The following AGBL1 variants were observed in gnomAD, a reference collection of about 807,000 sequenced individuals.
AGBL1 encodes the protein cytosolic carboxypeptidase 4.
Under a neutral mutation model 118.9 loss-of-function variants are expected in AGBL1, and 130 were observed. The ratio of observed to expected loss-of-function variants is 1.09; its 90% CI spans 0.95 to 1.26. The LOEUF is 1.26. Among genes scored for constraint, AGBL1 ranks in the 50% most tolerant of loss-of-function variants. AGBL1 has a pLI of 0.00. For synonymous variants in AGBL1, 555 were observed against 478.9 expected, an observed-to-expected ratio of 1.16 and a Z score of -2.08; for missense variants, 1,584 against 1,298.1, an observed-to-expected ratio of 1.22 and a Z score of -3.38.
At chr15:86,638,418 A>C (rs914015700) in intron 21 of AGBL1, among the ~76,000 whole-genome samples, 2 of 152,172 alleles carry the variant, frequency 1.3e-5, no homozygotes, top group Non-Finnish European at 2.9e-5. Flanking sequence ...CCATTTCAAG[A>C]CCATGGGTGC....
chr15:86,983,751 T>G (rs2081253899), intron 23 of AGBL1, among the ~76,000 whole-genome samples: 1 of 152,204 alleles, frequency 6.6e-6, no homozygotes, highest in Non-Finnish European at 1.5e-5. Context: ...TATAGGTTAG[T>G]CTTCAGTGTT....
At chr15:86,806,065 T>G (rs117682053) in intron 22 of AGBL1, among the ~76,000 whole-genome samples, 63 of 152,274 alleles carry the variant, frequency 4.1e-4, no homozygotes, top group Non-Finnish European at 7.6e-4. Flanking sequence ...CCTCACTGTT[T>G]GGAGGCTTGC....
At chr15:86,769,859 A>G (rs1319608419) in intron 22 of AGBL1, among the ~76,000 whole-genome samples, 1 of 151,932 alleles carries the variant, frequency 6.6e-6, no homozygotes, top group Non-Finnish European at 1.5e-5. Flanking sequence ...ACAAATGCAA[A>G]TCTGGGGAGA....
At chr15:86,266,524 C>A in intron 12 of AGBL1, 67 bp downstream of exon 12, 2 of 1,140,390 alleles carry the variant, frequency 1.8e-6, no homozygotes, top group Non-Finnish European at 2.5e-6. Flanking sequence ...TGAGAATAGA[C>A]ATGTTTCCTG....
At chr15:86,427,862 G>A (rs886568992) in intron 18 of AGBL1, among the ~76,000 whole-genome samples, 6 of 152,026 alleles carry the variant, frequency 3.9e-5, no homozygotes, top group African/African-American at 1.5e-4. Flanking sequence ...TCTTTCCTTG[G>A]GATCCAAACA....
At chr15:86,361,359 C>G (rs1001892042) in intron 17 of AGBL1, among the ~76,000 whole-genome samples, 2 of 151,914 alleles carry the variant, frequency 1.3e-5, no homozygotes, top group African/African-American at 4.8e-5. Context: ...TGTTTAGTGA[C>G]TTAACTTGTG....
intron 16 of AGBL1, among the ~76,000 whole-genome samples, chr15:86,285,729 T>C (rs2079433159): frequency 6.6e-6 from 1 of 152,224 alleles, no homozygotes; most frequent in Non-Finnish European, 1.5e-5. Flanking sequence ...TGTTGATTTG[T>C]AATATTATTG....
At chr15:86,084,864 T>A (rs1361452685) in intron 1 of AGBL1, among the ~76,000 whole-genome samples, 1 of 149,846 alleles carries the variant, frequency 6.7e-6, no homozygotes, top group Non-Finnish European at 1.5e-5. Context: ...CATTTACCTG[T>A]TCATCCACCC....
At chr15:86,997,307 G>T (rs1369417340) in intron 24 of AGBL1, among the ~76,000 whole-genome samples, 3 of 152,160 alleles carry the variant, frequency 2.0e-5, no homozygotes, top group Non-Finnish European at 4.4e-5. Context: ...GGTCCTGGCG[G>T]CCTCCTGCAG....
At chr15:86,202,265 C>A (rs1261619206) in intron 5 of AGBL1, among the ~76,000 whole-genome samples, 1 of 152,156 alleles carries the variant, frequency 6.6e-6, no homozygotes, top group African/African-American at 2.4e-5. Context: ...TACACTTCAG[C>A]CTGGGTGACA....
chr15:86,327,235 G>C (rs1033950903), intron 17 of AGBL1, among the ~76,000 whole-genome samples: 2 of 152,158 alleles, frequency 1.3e-5, no homozygotes, highest in Admixed American at 6.5e-5. Flanking sequence ...CATGACAAGG[G>C]AGTGGCAAAA....
At chr15:86,360,319 C>CTTTTT (rs570573457) in intron 17 of AGBL1, among the ~76,000 whole-genome samples, 2 of 136,028 alleles carry the variant, frequency 1.5e-5, no homozygotes, top group African/African-American at 2.7e-5. Flanking sequence ...GGGTTTTTTC[C>CTTTTT]TTTTTTTTTT....
rs187324389 is a variant in AGBL1, at chr15:86,300,292, T to C, written c.2374+4884T>C. ...AATGACCATTTTAGCCTGGAGAAAG[T>C]TGAGTCCCATTTTAGTTTGGAGAGC... On this transcript the variant is annotated intron_variant, in intron 17 of 22. Transcript: ENST00000614907. Among the ~76,000 whole-genome samples the C allele has an allele frequency of 7.9e-5, 12 of 152,296 alleles. No homozygotes were observed. The East Asian group carries it at 2.3e-3, about 29-fold the overall frequency.
At chr15:86,976,177 T>C (rs1369446776) in intron 23 of AGBL1, among the ~76,000 whole-genome samples, 1 of 150,378 alleles carries the variant, frequency 6.6e-6, no homozygotes, top group Non-Finnish European at 1.5e-5. Flanking sequence ...CTTATTTATG[T>C]ATTAATAAAT....
intron 17 of AGBL1, among the ~76,000 whole-genome samples, chr15:86,390,735 T>C (rs1475984243): frequency 4.1e-5 from 6 of 145,428 alleles, no homozygotes; most frequent in East Asian, 2.2e-4. Context: ...AGTGGTGTGA[T>C]CTTGGCTCAC....
chr15:86,829,706 C>A (rs1328915340), intron 22 of AGBL1, among the ~76,000 whole-genome samples: 2 of 152,094 alleles, frequency 1.3e-5, no homozygotes, highest in African/African-American at 4.8e-5. Flanking sequence ...CAGAGACCAG[C>A]AGATTTGAGG....
intron 21 of AGBL1, among the ~76,000 whole-genome samples, chr15:86,638,787 A>T (rs910089448): frequency 3.9e-5 from 6 of 152,194 alleles, no homozygotes; most frequent in African/African-American, 1.4e-4. Context: ...TCAGAGGCAT[A>T]AAACACCATA....
At chr15:86,533,620 C>T (rs2083380563) in intron 19 of AGBL1, among the ~76,000 whole-genome samples, 1 of 136,232 alleles carries the variant, frequency 7.3e-6, no homozygotes, top group Non-Finnish European at 1.5e-5. Context: ...GGGTATATAC[C>T]CAAATGACTA....
chr15:87,000,837 A>G (rs1261575267), intron 24 of AGBL1, among the ~76,000 whole-genome samples: 114 of 147,100 alleles, frequency 7.7e-4, no homozygotes, highest in Non-Finnish European at 1.0e-3. Context: ...CACTTTCACG[A>G]TATTGATTCT....
Sources: allele counts gnomAD v4.1 joint callset (sites outside exome capture counted in the v4.1 genomes callset), GRCh38; gene constraint gnomAD v4.1.1; transcripts MANE v1.5; gene names NCBI Gene and HGNC (gene_info 2026-07-23, HGNC 2026-07-21).